The following ASXL1 variants were observed in gnomAD, a reference collection of about 807,000 sequenced individuals.
The protein encoded by ASXL1 is polycomb group protein ASXL1.
Under a neutral mutation model 89.1 loss-of-function variants are expected in ASXL1, and 65 were observed. That is an observed-to-expected ratio of 0.73 (90% CI 0.60 to 0.90). The LOEUF is 0.90. Among genes scored for constraint, ASXL1 ranks in the 40% least tolerant of loss-of-function variants. The pLI, the probability that ASXL1 is intolerant of heterozygous loss-of-function variation, is 0.00. For synonymous variants in ASXL1, 739 were observed against 746.9 expected (o/e 0.99, Z 0.17); for missense variants, 1,786 against 1,942.9 (o/e 0.92, Z 1.52).
intron 4 of ASXL1, among the ~76,000 whole-genome samples, chr20:32,374,321 C>T (rs987102023): frequency 2.0e-5 from 3 of 152,078 alleles, no homozygotes; most frequent in Non-Finnish European, 2.9e-5. Flanking sequence ...TACAGGGTCT[C>T]GCTCTGTGGC....
chr20:32,434,863 G>C lies in ASXL1; in HGVS notation c.2151G>C (p.Arg717Ser), dbSNP rs1337715441. ...TQAGTAMSRA[R>S]REDLPSLRKE... ...CCGGAACTGCCATGTCCAGAGCTAG[G>C]AGAGAGGACCTGCCTTCTCTGAGAA... The change falls in exon 13 of 13, where the codon AGG (arginine) becomes AGC (serine). Residue 717 changes from arginine (R) to serine (S), a missense_variant. Arg to Ser is a moderately radical substitution (Grantham distance 110). This residue lies in a region of ASXL1 where 1,418 missense variants were observed against 1,427.8 expected (regional missense o/e 0.99). Transcript: ENST00000375687. 6.2e-7 allele frequency: 1 copy of C among 1,614,058 alleles called. No homozygotes were observed. The highest frequency in any genetic ancestry group is 1.3e-5 in the African/African-American group (1 of 74,936).
At chr20:32,379,369 A>G (rs1016038535) in intron 4 of ASXL1, among the ~76,000 whole-genome samples, 2 of 146,788 alleles carry the variant, frequency 1.4e-5, no homozygotes, top group Admixed American at 6.8e-5. Context: ...ATTTATTATT[A>G]TTATTATTAT....
chr20:32,389,830 A>G (rs766014100), intron 4 of ASXL1, among the ~76,000 whole-genome samples: 9 of 152,198 alleles, frequency 5.9e-5, no homozygotes, highest in Admixed American at 3.3e-4. Flanking sequence ...GGCCTCCCCA[A>G]GTGTTGGGAT....
At chr20:32,421,328 GAATTAA>G (rs970552639) in intron 4 of ASXL1, among the ~76,000 whole-genome samples, 2 of 150,946 alleles carry the variant, frequency 1.3e-5, no homozygotes, top group African/African-American at 2.4e-5. Context: ...CTAGCACTCT[GAATTAA>G]AATTAAAACC....
chr20:32,433,652 C>G lies in ASXL1; in HGVS notation c.1454C>G (p.Ser485Cys), dbSNP rs1431862341. ...GAGGGTCCCGAATTCCCAGTTGAGTCTGTGGCTTCTCGGATCCAGGCTGAG... is the reference window on the plus strand; with the variant it reads ...GAGGGTCCCGAATTCCCAGTTGAGTGTGTGGCTTCTCGGATCCAGGCTGAG... ...DLEGPEFPVE[S>C]VASRIQAEPD... is the part of the protein sequence containing the mutation. Residue 485 changes from serine to cysteine, a missense_variant, in exon 12 of 13, where the codon TCT becomes TGT. Around this residue, in one of 3 missense-constraint regions of ASXL1, gnomAD observed 1,418 missense variants for 1,427.8 expected, o/e 0.99. Coordinates refer to ENST00000375687, the MANE Select transcript of ASXL1 (RefSeq NM_015338.6). 6.2e-7 allele frequency: 1 copy of G among 1,611,926 alleles called. No homozygotes were observed. The highest frequency in any genetic ancestry group is 1.1e-5 in the South Asian group (1 of 91,068).
chr20:32,398,044 A>G (rs746918925), intron 4 of ASXL1, among the ~76,000 whole-genome samples: 3 of 152,198 alleles, frequency 2.0e-5, no homozygotes, highest in Non-Finnish European at 4.4e-5. Flanking sequence ...GTAGCCTTAT[A>G]GTATCTAGTT....
At position 32,436,234 on chromosome 20, in the gene ASXL1, G is replaced by A. The variant is rs747485168; in HGVS notation, c.3522G>A (p.Lys1174=). 3.1e-6 allele frequency: 5 copies of A among 1,614,256 alleles called. No individual in the cohort carries two copies. In the Admixed American group the frequency reaches 8.3e-5, roughly 27 times the overall value. Residue 1174 remains lysine, a synonymous_variant, in exon 13 of 13, where the codon AAG becomes AAA. Transcript: ENST00000375687. ...GCCCCAGTTCTTTAAGGGCTTTGAAGGAGCCTCTTCTGCCAGATAGCTGTG... is the reference window on the plus strand; with the variant it reads ...GCCCCAGTTCTTTAAGGGCTTTGAAAGAGCCTCTTCTGCCAGATAGCTGTG... ...GSSPSSLRAL[K]EPLLPDSCET...
chr20:32,392,793 T>G (rs1161975115), intron 4 of ASXL1, among the ~76,000 whole-genome samples: 1 of 152,122 alleles, frequency 6.6e-6, no homozygotes, highest in Non-Finnish European at 1.5e-5. Flanking sequence ...GAGATCTTAC[T>G]GTTACTGATT....
At chr20:32,383,442 G>A (rs1843295767) in intron 4 of ASXL1, among the ~76,000 whole-genome samples, 2 of 152,074 alleles carry the variant, frequency 1.3e-5, no homozygotes, top group South Asian at 2.1e-4. Context: ...GAGTAGCTGG[G>A]ACTATAGGCG....
chr20:32,398,547 A>T (rs1305814505), intron 4 of ASXL1, among the ~76,000 whole-genome samples: 1 of 150,376 alleles, frequency 6.6e-6, no homozygotes, highest in African/African-American at 2.4e-5. Flanking sequence ...GATATTTTAT[A>T]CAAATGGAAT....
intron 1 of ASXL1, chr20:32,359,203 C>A: frequency 1.4e-6 from 1 of 697,798 alleles, no homozygotes; most frequent in Admixed American, 2.0e-5. Flanking sequence ...AGTTGGGTTT[C>A]CGGGAAGGGT....
At position 32,436,703 on chromosome 20, in the gene ASXL1, C is replaced by G; in HGVS notation, c.3991C>G (p.Pro1331Ala). ...GATGCCTCTTCCTGCTGAGATCCCT[C>G]CAGTTTTTCCCAGTGGGAAGTTGGG... ...DPMPLPAEIP[P>A]VFPSGKLGPS... The change falls in exon 13 of 13, where the codon CCA becomes GCA. Residue 1331 changes from proline (P) to alanine (A), a missense_variant. Around this residue, in one of 3 missense-constraint regions of ASXL1, gnomAD observed 1,418 missense variants for 1,427.8 expected, o/e 0.99. Coordinates refer to ENST00000375687, the MANE Select transcript of ASXL1 (RefSeq NM_015338.6). 1 of 1,614,006 alleles carries G rather than the reference C, an allele frequency of 6.2e-7. No individual in the cohort carries two copies. Among genetic ancestry groups the G allele is most frequent in the Non-Finnish European group, 8.5e-7 (1 of 1,180,034 alleles).
chr20:32,359,363 C>G, intron 1 of ASXL1: 2 of 702,540 alleles, frequency 2.8e-6, no homozygotes, highest in Middle Eastern at 2.3e-4. Flanking sequence ...GTGCTTACTC[C>G]CAGCTTGAAC....
intron 4 of ASXL1, among the ~76,000 whole-genome samples, chr20:32,411,843 C>T (rs1269473202): frequency 6.6e-6 from 1 of 152,130 alleles, no homozygotes; most frequent in Non-Finnish European, 1.5e-5. Flanking sequence ...CAGCCCTACC[C>T]ATGGATTCTT....
intron 4 of ASXL1, among the ~76,000 whole-genome samples, chr20:32,388,053 C>A (rs1381392557): frequency 6.6e-6 from 1 of 152,204 alleles, no homozygotes; most frequent in Non-Finnish European, 1.5e-5. Context: ...CATTTTATCA[C>A]TCTCTCTGCC....
At position 32,436,203 on chromosome 20, in the gene ASXL1, G is replaced by T; in HGVS notation, c.3491G>T (p.Gly1164Val). 1 of 1,614,248 alleles carries T rather than the reference G, an allele frequency of 6.2e-7. No individual in the cohort carries two copies. Among genetic ancestry groups the T allele is most frequent in the Non-Finnish European group, 8.5e-7 (1 of 1,180,042 alleles). The part of the protein sequence containing the change: ...GLGKNSGMVD[G>V]SSPSSLRALK... Reference sequence around the variant, plus strand: ...GGAAAAAACAGTGGCATGGTTGATGGAAGCAGCCCCAGTTCTTTAAGGGCT... The same window carrying T: ...GGAAAAAACAGTGGCATGGTTGATGTAAGCAGCCCCAGTTCTTTAAGGGCT... The change falls in exon 13 of 13, where the codon GGA (glycine) becomes GTA (valine). Residue 1164 changes from glycine (G) to valine (V), a missense_variant. Physicochemically the swap from Gly to Val is moderately radical, Grantham distance 109. This residue lies in a region of ASXL1 where 1,418 missense variants were observed against 1,427.8 expected (regional missense o/e 0.99). Coordinates refer to ENST00000375687, the MANE Select transcript of ASXL1 (RefSeq NM_015338.6).
chr20:32,392,794 G>C (rs979505396), intron 4 of ASXL1, among the ~76,000 whole-genome samples: 2 of 151,962 alleles, frequency 1.3e-5, no homozygotes, highest in South Asian at 2.1e-4. Flanking sequence ...AGATCTTACT[G>C]TTACTGATTT....
In ASXL1 at chr20:32,429,331, A is replaced by G. The variant is rs2011444769; in HGVS notation, c.472-7A>G. On this transcript the variant is annotated splice_region_variant and splice_polypyrimidine_tract_variant and intron_variant, in intron 6 of 12. Coordinates refer to ENST00000375687, the MANE Select transcript of ASXL1 (RefSeq NM_015338.6). The surrounding 1 kb of genome is among the most constrained non-coding windows in gnomAD (Gnocchi z 4.9). ...TGGGCTCTCTTTTGTTCTCTCTTGGAACGCAGGCGAACAAACAAAAGAAAA... is the reference window on the plus strand; with the variant it reads ...TGGGCTCTCTTTTGTTCTCTCTTGGGACGCAGGCGAACAAACAAAAGAAAA... The G allele has an allele frequency of 6.2e-7, 1 of 1,613,756 alleles. No homozygotes were observed. The highest frequency in any genetic ancestry group is 1.7e-5 in the Admixed American group (1 of 59,992).
At chr20:32,421,692 C>T (rs1197567414) in intron 4 of ASXL1, among the ~76,000 whole-genome samples, 1 of 152,030 alleles carries the variant, frequency 6.6e-6, no homozygotes, top group East Asian at 1.9e-4. Context: ...ACTACTGATG[C>T]ATGCAACAAT....
Sources: allele counts gnomAD v4.1 joint callset (sites outside exome capture counted in the v4.1 genomes callset), GRCh38; gene constraint gnomAD v4.1.1; regional missense constraint gnomAD v4.1.1; non-coding constraint Gnocchi (gnomAD v3.1); transcripts MANE v1.5; gene names NCBI Gene and HGNC (gene_info 2026-07-23, HGNC 2026-07-21).